Variants in ATXN1 observed in about 807,000 individuals in gnomAD.
ATXN1 encodes ataxin 1, also known as ataxin-1.
In ATXN1, 8 loss-of-function variants were observed where a neutral mutation model predicts 56.4. The ratio of observed to expected loss-of-function variants is 0.14; its 90% confidence interval spans 0.08 to 0.26. ATXN1 has a LOEUF of 0.26. ATXN1 is among the 10% of genes least tolerant of loss of function. ATXN1 has a pLI of 1.00. For synonymous variants in ATXN1, 514 were observed against 494.6 expected, an observed-to-expected ratio of 1.04 and a Z score of -0.52; for missense variants, 987 against 1,106.5, an observed-to-expected ratio of 0.89 and a Z score of 1.53.
intron 6 of ATXN1, among the ~76,000 whole-genome samples, chr6:16,393,710 T>C (rs1758400212): frequency 6.6e-6 from 1 of 152,212 alleles, no homozygotes; most frequent in African/African-American, 2.4e-5. Context: ...CTTCCATATG[T>C]GACTAATTTT....
At chr6:16,569,828 C>T (rs758368602) in intron 4 of ATXN1, among the ~76,000 whole-genome samples, 3 of 152,134 alleles carry the variant, frequency 2.0e-5, no homozygotes, top group African/African-American at 4.8e-5. Flanking sequence ...GTGGTATATG[C>T]CAATTTCACC....
chr6:16,471,353 G>A (rs1174908219), intron 6 of ATXN1, among the ~76,000 whole-genome samples: 1 of 152,152 alleles, frequency 6.6e-6, no homozygotes, highest in Non-Finnish European at 1.5e-5. Context: ...ACTGAACTAT[G>A]GTTAGTAATT....
At position 16,407,467 on chromosome 6, in the gene ATXN1, T is replaced by G. The variant is rs566054417; in HGVS notation, c.-161+78505A>C. 8.9e-4 allele frequency among the ~76,000 whole-genome samples: 135 copies of G among 152,346 alleles called. 2 individuals are homozygous for G. The highest frequency in any genetic ancestry group is 1.5e-4 in the Non-Finnish European group (10 of 68,024). Reference sequence around the variant, plus strand: ...TAGTAAGGCTGTCCTAAGGAATATGTTGAAACATGCTCCTCAAAAGTATCT... The same window carrying G: ...TAGTAAGGCTGTCCTAAGGAATATGGTGAAACATGCTCCTCAAAAGTATCT... On this transcript the variant is annotated intron_variant, in intron 6 of 7. Transcript: ENST00000436367.
Position 16,314,004 on chromosome 6 carries a change from G to A in ATXN1, c.1918-7145C>T, listed in dbSNP as rs1186268948. On this transcript the variant is annotated intron_variant, in intron 7 of 7. Transcript: ENST00000436367. ...GAGCTGTGTCACCCTGCGAAAAGATGCCACGACCAGATATCAGCTGGGTCC... is the reference window on the plus strand; with the variant it reads ...GAGCTGTGTCACCCTGCGAAAAGATACCACGACCAGATATCAGCTGGGTCC... Among the ~76,000 whole-genome samples, 7 of 152,228 alleles carry A rather than the reference G, an allele frequency of 4.6e-5. No homozygotes were observed. In the South Asian group the frequency reaches 6.2e-4, roughly 13 times the overall value.
intron 3 of ATXN1, among the ~76,000 whole-genome samples, chr6:16,601,690 A>C (rs1762914751): frequency 6.6e-6 from 1 of 152,068 alleles, no homozygotes; most frequent in South Asian, 2.1e-4. Flanking sequence ...CTCTACTAAA[A>C]AATACAAAAA....
Position 16,471,507 on chromosome 6 carries a change from A to C in ATXN1, c.-161+14465T>G, listed in dbSNP as rs140706503. On this transcript the variant is annotated intron_variant, in intron 6 of 7. Coordinates refer to ENST00000436367, the MANE Select transcript of ATXN1 (RefSeq NM_001128164.2). The stretch of plus-strand genomic sequence containing the variant: ...AGACAGATTGGATCAGAGGGGTTTT[A>C]ATATTAAGATAAGTGACAATGATAG... 2.4e-4 allele frequency among the ~76,000 whole-genome samples: 37 copies of C among 152,304 alleles called. No individual in the cohort carries two copies. In the East Asian group the frequency reaches 6.9e-3, roughly 29 times the overall value.
At chr6:16,659,803 C>A (rs1758280430) in intron 2 of ATXN1, among the ~76,000 whole-genome samples, 3 of 152,220 alleles carry the variant, frequency 2.0e-5, no homozygotes, top group Middle Eastern at 6.8e-3. Context: ...AAATTCATTT[C>A]TGGATTATAT....
chr6:16,603,414 T>A (rs1244743025), intron 3 of ATXN1, among the ~76,000 whole-genome samples: 3 of 152,108 alleles, frequency 2.0e-5, no homozygotes, highest in Non-Finnish European at 4.4e-5. Context: ...CTCCATTCTG[T>A]AATAAAGTTC....
At chr6:16,451,008 T>C (rs914604891) in intron 6 of ATXN1, among the ~76,000 whole-genome samples, 6 of 152,260 alleles carry the variant, frequency 3.9e-5, no homozygotes, top group Admixed American at 2.6e-4. Context: ...AAGAGCCACA[T>C]GGCCATTCCT....
chr6:16,734,394 G>A (rs1271148886), intron 2 of ATXN1, among the ~76,000 whole-genome samples: 2 of 152,032 alleles, frequency 1.3e-5, no homozygotes, highest in African/African-American at 2.4e-5. Context: ...ATGATGGTGC[G>A]AGAAAAGAAG....
chr6:16,380,840 T>C (rs1287910086), intron 6 of ATXN1, among the ~76,000 whole-genome samples: 1 of 152,226 alleles, frequency 6.6e-6, no homozygotes, highest in South Asian at 2.1e-4. Flanking sequence ...ATGGGCTGAA[T>C]TCTGTCCCTC....
chr6:16,643,967 C>T (rs1763755403), intron 3 of ATXN1, among the ~76,000 whole-genome samples: 1 of 152,024 alleles, frequency 6.6e-6, no homozygotes, highest in African/African-American at 2.4e-5. Context: ...ATATTTGAAA[C>T]ACTGTTATTA....
chr6:16,365,367 G>A (rs1483095842), intron 6 of ATXN1, among the ~76,000 whole-genome samples: 2 of 152,068 alleles, frequency 1.3e-5, no homozygotes, highest in Admixed American at 6.5e-5. Context: ...TAGTAGAGAT[G>A]GGGTTTCACC....
At chr6:16,450,415 T>C (rs569266470) in intron 6 of ATXN1, among the ~76,000 whole-genome samples, 1 of 152,362 alleles carries the variant, frequency 6.6e-6, no homozygotes, top group East Asian at 1.9e-4. Context: ...AGGAGCTGAA[T>C]AGTTCCATCT....
intron 5 of ATXN1, among the ~76,000 whole-genome samples, chr6:16,501,490 A>T (rs1760884583): frequency 1.3e-5 from 2 of 151,970 alleles, no homozygotes; most frequent in South Asian, 4.2e-4. Context: ...CCACTCACCG[A>T]TAGGCCCTGG....
At chr6:16,535,492 C>G (rs966104530) in intron 4 of ATXN1, among the ~76,000 whole-genome samples, 1 of 152,038 alleles carries the variant, frequency 6.6e-6, no homozygotes, top group Non-Finnish European at 1.5e-5. Flanking sequence ...CTAAAACAAC[C>G]AGAGCAACAA....
chr6:16,591,913 C>T (rs1433229520), intron 3 of ATXN1, among the ~76,000 whole-genome samples: 4 of 152,146 alleles, frequency 2.6e-5, no homozygotes, highest in African/African-American at 7.2e-5. Context: ...CTTCCAGATG[C>T]ATCAGCATTA....
At chr6:16,321,158 G>A (rs535290657) in intron 7 of ATXN1, among the ~76,000 whole-genome samples, 21 of 152,332 alleles carry the variant, frequency 1.4e-4, no homozygotes, top group African/African-American at 5.1e-4. Flanking sequence ...CATTTTCCAA[G>A]CAGCTAACCT....
intron 3 of ATXN1, among the ~76,000 whole-genome samples, chr6:16,599,592 T>G (rs1762877938): frequency 6.6e-6 from 1 of 151,432 alleles, no homozygotes; most frequent in South Asian, 2.1e-4. Context: ...GTGCCTGTAA[T>G]CCCAGCTACT....
Sources: allele counts gnomAD v4.1 joint callset (sites outside exome capture counted in the v4.1 genomes callset), GRCh38; gene constraint gnomAD v4.1.1; transcripts MANE v1.5; gene names NCBI Gene and HGNC (gene_info 2026-07-23, HGNC 2026-07-21).